Variants in FUNDC2 observed in about 807,000 individuals in gnomAD.
FUNDC2 encodes the protein FUN14 domain-containing protein 2.
A neutral mutation model predicts 15.6 loss-of-function variants in FUNDC2; 4 were observed. The ratio of observed to expected loss-of-function variants is 0.26; its 90% confidence interval spans 0.13 to 0.59. The LOEUF (loss-of-function observed/expected upper bound fraction) is 0.59, where lower values mean the gene tolerates loss of function less well. FUNDC2 is among the 20% of genes least tolerant of loss of function. The pLI is 0.90. For missense variants in FUNDC2, 98 were observed against 149.7 expected (o/e 0.65, Z 1.80); for synonymous variants, 44 against 56.9 (o/e 0.77, Z 1.02).
chrX:155,049,750 T>C (rs1557290331), intron 3 of FUNDC2: 1 of 112,551 alleles, frequency 8.9e-6, no homozygotes, highest in East Asian at 2.8e-4. Flanking sequence ...ATTTAGGTTG[T>C]CTTTGAGTTC....
At chrX:155,042,019 A>G (rs1259733562) in intron 2 of FUNDC2, among the ~76,000 whole-genome samples, 1 of 101,207 alleles carries the variant, frequency 9.9e-6, no homozygotes, top group African/African-American at 3.6e-5. Flanking sequence ...CAGTGAGCCA[A>G]GATTGTGCCA....
chrX:155,039,546 C>T (rs782219156), intron 2 of FUNDC2, among the ~76,000 whole-genome samples: 1 of 111,985 alleles, frequency 8.9e-6, no homozygotes, highest in South Asian at 3.6e-4. Context: ...AGATGAGGGT[C>T]TCTTTTGCAT....
intron 1 of FUNDC2, among the ~76,000 whole-genome samples, chrX:155,028,583 T>C (rs73567794): frequency 0.23 from 26,268 of 111,925 alleles, 2,258 homozygotes; most frequent in South Asian, 0.38. Flanking sequence ...GTATCCTGAA[T>C]GAATTCTTGA....
chrX:155,045,719 C>T (rs2073860105), intron 2 of FUNDC2, among the ~76,000 whole-genome samples: 1 of 110,759 alleles, frequency 9.0e-6, no homozygotes, highest in African/African-American at 3.3e-5. Flanking sequence ...TAAAGGAGAG[C>T]ACAGAAAAGG....
intron 2 of FUNDC2, among the ~76,000 whole-genome samples, chrX:155,035,705 C>T (rs1216840041): frequency 2.7e-5 from 3 of 112,160 alleles, no homozygotes; most frequent in Non-Finnish European, 5.6e-5. Flanking sequence ...TGTTTTGAGA[C>T]GGAGTCTTGC....
intron 2 of FUNDC2, among the ~76,000 whole-genome samples, chrX:155,035,872 T>G: frequency 8.9e-6 from 1 of 112,254 alleles, no homozygotes; most frequent in Non-Finnish European, 1.9e-5. Flanking sequence ...TAAGTAGTAC[T>G]CCATTGTATG....
At chrX:155,034,222 AC>A (rs2073824341) in intron 2 of FUNDC2, among the ~76,000 whole-genome samples, 1 of 112,880 alleles carries the variant, frequency 8.9e-6, no homozygotes, top group Non-Finnish European at 1.9e-5. Context: ...TAGTTTTAAC[AC>A]CAGTTATGTC....
chrX:155,053,202 A>G (rs1299995956), intron 4 of FUNDC2, among the ~76,000 whole-genome samples: 1 of 112,378 alleles, frequency 8.9e-6, no homozygotes, highest in African/African-American at 3.2e-5. Context: ...AAGTGTATAT[A>G]ATAAAAAGCA....
At chrX:155,031,976 A>ATTT (rs35217353) in intron 1 of FUNDC2, among the ~76,000 whole-genome samples, 1 of 97,335 alleles carries the variant, frequency 1.0e-5, no homozygotes, top group African/African-American at 3.8e-5. Flanking sequence ...CCTTCATTTC[A>ATTT]TTTTTTTTTT....
At position 155,059,296 on chromosome X, in the gene FUNDC2, G is replaced by A. The variant is rs1455392278; in HGVS notation, c.*4624G>A. On this transcript the variant is annotated 3_prime_UTR_variant, in exon 5 of 5. Coordinates refer to ENST00000369498, the MANE Select transcript of FUNDC2 (RefSeq NM_023934.4). ...TTAAATGTCTTAGGAATCGTGTGGA[G>A]TGAATGCAAGGAAAGGAGTGACAAG... 1 of 112,333 alleles carries A rather than the reference G, an allele frequency of 8.9e-6. No individual in the cohort carries two copies. Among genetic ancestry groups the A allele is most frequent in the African/African-American group, 3.2e-5 (1 of 30,852 alleles). 9.3% of individuals were successfully genotyped at this position (112,333 alleles called of 1,213,427 possible).
chrX:155,054,281 C>T, intron 4 of FUNDC2: 1 of 753,651 alleles, frequency 1.3e-6, no homozygotes, highest in Non-Finnish European at 1.6e-6. Context: ...TAACTGTCCC[C>T]ATGAACTCTC....
rs1437992590 is a variant in FUNDC2, at chrX:155,059,626, A to G, written c.*4954A>G. 6 of 111,933 alleles carry G rather than the reference A, an allele frequency of 5.4e-5. No individual in the cohort carries two copies. The highest frequency in any genetic ancestry group is 1.9e-4 in the Admixed American group (2 of 10,599). 9.2% of individuals were successfully genotyped at this position (111,933 alleles called of 1,213,427 possible). A position where few individuals can be genotyped will look rare whatever the true frequency, so the allele number is the denominator to read the frequency against. ...GTCATAATAATACCTAAGAATAAGA[A>G]GAGTTAAATTAATGTCTTCAAATGG... On this transcript the variant is annotated 3_prime_UTR_variant, in exon 5 of 5. Coordinates refer to ENST00000369498, the MANE Select transcript of FUNDC2 (RefSeq NM_023934.4).
At position 155,027,081 on chromosome X, in the gene FUNDC2, G is replaced by A. The variant is rs782527063; in HGVS notation, c.133+10G>A. On this transcript the variant is annotated intron_variant, in intron 1 of 4. Transcript: ENST00000369498. ...GCCGCGTCCAGTCAAGGTAAGGGCG[G>A]GCGCGCGCGCGGCCGGCGCCGCGGG... 2.2e-5 allele frequency: 25 copies of A among 1,128,004 alleles called. No individual in the cohort carries two copies. The highest frequency in any genetic ancestry group is 2.7e-5 in the Non-Finnish European group (23 of 853,271). 93.0% of individuals were successfully genotyped at this position (1,128,004 alleles called of 1,213,427 possible).
chrX:155,058,074 G>C lies in FUNDC2; in HGVS notation c.*3402G>C, dbSNP rs782227874. The C allele has an allele frequency of 7.2e-5, 8 of 111,362 alleles. No individual in the cohort carries two copies. Among genetic ancestry groups the C allele is most frequent in the African/African-American group, 2.3e-4 (7 of 30,606 alleles). The allele number at this position is 111,362 out of a possible 1,213,427, so 9.2% of individuals were successfully genotyped here. A position where few individuals can be genotyped will look rare whatever the true frequency, so the allele number is the denominator to read the frequency against. ...TCTCCTCCCAAATGGCCGCTTGTTT[G>C]TTGCAATCTCCCGCCACTCAGCCTC... On this transcript the variant is annotated 3_prime_UTR_variant, in exon 5 of 5. Transcript: ENST00000369498.
At position 155,054,828 on chromosome X, in the gene FUNDC2, C is replaced by A; in HGVS notation, c.*156C>A. ...TCTCTAAGCATCTGCTGGTACAAGTCAATGTGGCACCATGAGCTTCATGGT... is the reference window on the plus strand; with the variant it reads ...TCTCTAAGCATCTGCTGGTACAAGTAAATGTGGCACCATGAGCTTCATGGT... On this transcript the variant is annotated 3_prime_UTR_variant, in exon 5 of 5. Transcript: ENST00000369498. The A allele has an allele frequency of 2.1e-6, 1 of 482,177 alleles. No individual in the cohort carries two copies. The highest frequency in any genetic ancestry group is 3.6e-6 in the Non-Finnish European group (1 of 275,437). 39.7% of individuals were successfully genotyped at this position (482,177 alleles called of 1,213,427 possible).
Position 155,057,197 on chromosome X carries a change from G to C in FUNDC2, c.*2525G>C, listed in dbSNP as rs1603439180. ...TCGGTGAAGGAGGCTCAGGCATTTG[G>C]GGTTACCTGTGAATCAAGGCCCTAT... On this transcript the variant is annotated 3_prime_UTR_variant, in exon 5 of 5. Transcript: ENST00000369498. The C allele has an allele frequency of 9.0e-6, 1 of 111,646 alleles. No homozygotes were observed. The highest frequency in any genetic ancestry group is 1.9e-5 in the Non-Finnish European group (1 of 53,053). The allele number at this position is 111,646 out of a possible 1,213,427, so 9.2% of individuals were successfully genotyped here. A position where few individuals can be genotyped will look rare whatever the true frequency, so the allele number is the denominator to read the frequency against.
At chrX:155,040,994 C>A (rs2073844589) in intron 2 of FUNDC2, among the ~76,000 whole-genome samples, 1 of 112,060 alleles carries the variant, frequency 8.9e-6, no homozygotes, top group African/African-American at 3.2e-5. Flanking sequence ...TTCTTTGATA[C>A]AAGAAAGTTT....
At chrX:155,050,128 A>AT (rs1433415994) in intron 3 of FUNDC2, 1 of 111,755 alleles carries the variant, frequency 8.9e-6, no homozygotes, top group African/African-American at 3.3e-5. Context: ...ACGATATTTA[A>AT]TAGGAGTGGA....
At position 155,057,464 on chromosome X, in the gene FUNDC2, G is replaced by T. The variant is rs1603439195; in HGVS notation, c.*2792G>T. On this transcript the variant is annotated 3_prime_UTR_variant, in exon 5 of 5. Transcript: ENST00000369498. The stretch of plus-strand genomic sequence containing the variant: ...GTGGTGGGGCGGAAGTTTTTCCTTG[G>T]GAAGAGCGTTGTCGCTGTATATGGT... The T allele has an allele frequency of 9.0e-6, 1 of 111,633 alleles. No homozygotes were observed. The highest frequency in any genetic ancestry group is 2.8e-4 in the East Asian group (1 of 3,535). The allele number at this position is 111,633 out of a possible 1,213,427, so 9.2% of individuals were successfully genotyped here. A position where few individuals can be genotyped will look rare whatever the true frequency, so the allele number is the denominator to read the frequency against.
Sources: allele counts gnomAD v4.1 joint callset (sites outside exome capture counted in the v4.1 genomes callset), GRCh38; gene constraint gnomAD v4.1.1; transcripts MANE v1.5; gene names NCBI Gene and HGNC (gene_info 2026-07-23, HGNC 2026-07-21).